SGCZ: variants seen among roughly 807,000 people sequenced by gnomAD.
SGCZ encodes the protein sarcoglycan zeta, also known as zeta-sarcoglycan.
SGCZ carries 40 observed loss-of-function variants against 41.3 expected under a neutral mutation model. That is an observed-to-expected ratio of 0.97 (90% confidence interval 0.75 to 1.26). The LOEUF is 1.26. Ranked by LOEUF, SGCZ falls within the 50% of genes most tolerant of loss-of-function variation. The pLI, the probability that SGCZ is intolerant of heterozygous loss-of-function variation, is 0.00. For missense variants in SGCZ, 552 were observed against 369.8 expected (o/e 1.49, Z -4.04); for synonymous variants, 206 against 137.5 (o/e 1.50, Z -3.49).
chr8:14,231,709 A>C (rs1210067097), intron 4 of SGCZ, among the ~76,000 whole-genome samples: 2 of 152,124 alleles, frequency 1.3e-5, no homozygotes, highest in African/African-American at 4.8e-5. Context: ...GATTCTTTTA[A>C]TGTAGAGTTG....
chr8:15,063,349 G>A (rs1241783724), intron 1 of SGCZ, among the ~76,000 whole-genome samples: 2 of 152,072 alleles, frequency 1.3e-5, no homozygotes, highest in Non-Finnish European at 2.9e-5. Context: ...CTTCTATTGG[G>A]ATGATTTTTG....
chr8:15,231,688 G>A (rs913603041), intron 1 of SGCZ, among the ~76,000 whole-genome samples: 36 of 127,294 alleles, frequency 2.8e-4, no homozygotes, highest in African/African-American at 1.0e-3. Context: ...GTGGCAAGAT[G>A]TCAGCTCACT....
At chr8:14,125,385 T>A (rs1802819567) in intron 5 of SGCZ, among the ~76,000 whole-genome samples, 1 of 151,626 alleles carries the variant, frequency 6.6e-6, no homozygotes, top group Admixed American at 6.6e-5. Flanking sequence ...GCGCCTGTAG[T>A]CCCAGCTACT....
At chr8:15,166,859 G>C (rs903666887) in intron 1 of SGCZ, among the ~76,000 whole-genome samples, 4 of 152,158 alleles carry the variant, frequency 2.6e-5, no homozygotes, top group African/African-American at 9.7e-5. Context: ...TAACTTTAGA[G>C]ATTGTAACAT....
chr8:14,467,081 T>A (rs1487055870), intron 2 of SGCZ, among the ~76,000 whole-genome samples: 1 of 151,944 alleles, frequency 6.6e-6, no homozygotes, highest in East Asian at 1.9e-4. Context: ...TATTTATTTT[T>A]AATTCTTATA....
intron 3 of SGCZ, among the ~76,000 whole-genome samples, chr8:14,264,798 A>G (rs1207094108): frequency 1.3e-5 from 2 of 152,086 alleles, no homozygotes; most frequent in Non-Finnish European, 2.9e-5. Flanking sequence ...CGTCTCTACT[A>G]AAAATATTTA....
At position 14,377,932 on chromosome 8, in the gene SGCZ, T is replaced by C. The variant is rs1447247992; in HGVS notation, c.235-53728A>G. ...ATTTTCTTAATCCAGTCTATCATCG[T>C]TGGACATTAGGCTTGGTTCCAAGTC... On this transcript the variant is annotated intron_variant, in intron 2 of 7. Transcript: ENST00000382080. Among the ~76,000 whole-genome samples the C allele has an allele frequency of 2.0e-5, 3 of 150,740 alleles. No individual in the cohort carries two copies. In the East Asian group the frequency reaches 5.8e-4, roughly 29 times the overall value.
intron 1 of SGCZ, among the ~76,000 whole-genome samples, chr8:14,826,710 C>T (rs369317556): frequency 6.6e-5 from 10 of 152,022 alleles, no homozygotes; most frequent in African/African-American, 1.9e-4. Flanking sequence ...TTTCATGTGT[C>T]TTTTGGCTGC....
At chr8:14,234,037 AAATTAG>A (rs1291601654) in intron 4 of SGCZ, among the ~76,000 whole-genome samples, 1 of 152,022 alleles carries the variant, frequency 6.6e-6, no homozygotes, top group East Asian at 1.9e-4. Context: ...AAGGTCAAGA[AAATTAG>A]AATCCTAGAC....
At chr8:14,192,005 T>G (rs569577086) in intron 4 of SGCZ, among the ~76,000 whole-genome samples, 1 of 152,152 alleles carries the variant, frequency 6.6e-6, no homozygotes, top group Non-Finnish European at 1.5e-5. Flanking sequence ...GGTCACACTT[T>G]GTATAAACAT....
intron 1 of SGCZ, among the ~76,000 whole-genome samples, chr8:15,131,005 T>C (rs1807877594): frequency 6.6e-6 from 1 of 152,188 alleles, no homozygotes; most frequent in African/African-American, 2.4e-5. Flanking sequence ...TAGTTTCAAA[T>C]GAAGTTACTA....
chr8:15,185,817 A>C (rs1289968010), intron 1 of SGCZ, among the ~76,000 whole-genome samples: 1 of 152,154 alleles, frequency 6.6e-6, no homozygotes, highest in African/African-American at 2.4e-5. Context: ...TCTGGCTACT[A>C]TAACTTTGTA....
At chr8:14,323,109 C>A (rs1331542591) in intron 3 of SGCZ, among the ~76,000 whole-genome samples, 1 of 151,988 alleles carries the variant, frequency 6.6e-6, no homozygotes, top group Non-Finnish European at 1.5e-5. Context: ...GAAGCTGTAT[C>A]AGTTTGCATA....
At chr8:14,474,436 G>A (rs1801301208) in intron 2 of SGCZ, among the ~76,000 whole-genome samples, 1 of 152,132 alleles carries the variant, frequency 6.6e-6, no homozygotes, top group Admixed American at 6.5e-5. Flanking sequence ...CACACAGAAA[G>A]TGATGCTAAA....
chr8:14,126,470 A>AAACAC (rs1802864371), intron 5 of SGCZ, among the ~76,000 whole-genome samples: 1 of 151,560 alleles, frequency 6.6e-6, no homozygotes, highest in Non-Finnish European at 1.5e-5. Flanking sequence ...TAAAAAGTAA[A>AAACAC]AACAAAACAA....
At chr8:14,719,061 T>C (rs1809795332) in intron 1 of SGCZ, among the ~76,000 whole-genome samples, 1 of 138,986 alleles carries the variant, frequency 7.2e-6, no homozygotes, top group Non-Finnish European at 1.5e-5. Context: ...TGTCCGTGTG[T>C]TCTCATTGTT....
intron 2 of SGCZ, among the ~76,000 whole-genome samples, chr8:14,491,904 C>G (rs1460864504): frequency 6.6e-6 from 1 of 152,078 alleles, no homozygotes; most frequent in East Asian, 1.9e-4. Context: ...ACTGTAAAAT[C>G]CTTTATCATC....
At chr8:14,574,415 C>A (rs1804648293) in intron 1 of SGCZ, among the ~76,000 whole-genome samples, 1 of 152,024 alleles carries the variant, frequency 6.6e-6, no homozygotes, top group Admixed American at 6.6e-5. Context: ...CTCTAACTTT[C>A]CCCCAGCTTT....
intron 2 of SGCZ, among the ~76,000 whole-genome samples, chr8:14,538,859 T>C (rs575454264): frequency 6.6e-6 from 1 of 151,942 alleles, no homozygotes; most frequent in Admixed American, 6.6e-5. Context: ...GCATTCTAGA[T>C]GGTTCCCTCT....
Sources: gnomAD v4.1 joint callset for allele counts (sites outside exome capture counted in the v4.1 genomes callset) on GRCh38, gnomAD v4.1.1 for gene constraint, MANE v1.5 for transcripts, NCBI Gene and HGNC (gene_info 2026-07-23, HGNC 2026-07-21) for gene names.